Variants in KLHDC10 observed in about 807,000 individuals in gnomAD.
KLHDC10 encodes kelch domain-containing protein 10.
A neutral mutation model predicts 56.1 loss-of-function variants in KLHDC10; 24 were observed. The ratio of observed to expected loss-of-function variants is 0.43; its 90% CI spans 0.31 to 0.60. KLHDC10 has a LOEUF of 0.60. Ranked by LOEUF, KLHDC10 falls within the 20% of genes least tolerant of loss-of-function variation. KLHDC10 has a pLI of 0.11. For synonymous variants in KLHDC10, 188 were observed against 207.1 expected (o/e 0.91, Z 0.79); for missense variants, 349 against 567.0 (o/e 0.62, Z 3.91).
intron 2 of KLHDC10, among the ~76,000 whole-genome samples, chr7:130,100,813 A>C (rs1333761524): frequency 6.6e-6 from 1 of 152,146 alleles, no homozygotes; most frequent in African/African-American, 2.4e-5. Context: ...TAGGTCCTAC[A>C]TCTTCTCTAA....
chr7:130,123,551 TA>T (rs1361237293), intron 5 of KLHDC10, among the ~76,000 whole-genome samples: 1 of 152,002 alleles, frequency 6.6e-6, no homozygotes, highest in Non-Finnish European at 1.5e-5. Flanking sequence ...GCAAAGACAG[TA>T]AACCATTTTT....
In KLHDC10 at chr7:130,129,459, T is replaced by C. The variant is rs754601867; in HGVS notation, c.1002T>C (p.Tyr334=). 1.3e-5 allele frequency: 21 copies of C among 1,614,060 alleles called. No homozygotes were observed. Among genetic ancestry groups the C allele is most frequent in the Admixed American group, 5.0e-5 (3 of 59,996 alleles). ...TAGATGTATTTATTTGTGGGGGCTA[T>C]AATGGAGAGGTGATCCTGGGAGATA... ...IKNDVFICGG[Y]NGEVILGDIW... Residue 334 remains tyrosine (Y), a synonymous_variant, in exon 9 of 10, where the codon TAT becomes TAC. Transcript: ENST00000335420.
intron 1 of KLHDC10, among the ~76,000 whole-genome samples, chr7:130,081,108 C>T (rs529455893): frequency 4.0e-5 from 6 of 149,878 alleles, no homozygotes; most frequent in Non-Finnish European, 8.9e-5. Flanking sequence ...ACGCCATTCT[C>T]CTGCCTCAGC....
At chr7:130,089,700 G>C (rs539841478) in intron 1 of KLHDC10, among the ~76,000 whole-genome samples, 1 of 152,148 alleles carries the variant, frequency 6.6e-6, no homozygotes, top group African/African-American at 2.4e-5. Flanking sequence ...TAGACACTTT[G>C]CCTGGAGCTC....
chr7:130,125,705 C>A (rs948177938), intron 6 of KLHDC10, among the ~76,000 whole-genome samples, 160 bp from the exon 7 acceptor site: 1 of 152,152 alleles, frequency 6.6e-6, no homozygotes, highest in African/African-American at 2.4e-5. Flanking sequence ...TGTTAAAAGT[C>A]CAGTTTTCTG....
chr7:130,128,919 T>TATATACACAC (rs1292651924), intron 8 of KLHDC10, among the ~76,000 whole-genome samples: 3 of 115,714 alleles, frequency 2.6e-5, no homozygotes, highest in African/African-American at 7.0e-5. Flanking sequence ...TATATATATA[T>TATATACACAC]ACATACTAGC....
In KLHDC10 at chr7:130,122,092, A is replaced by T. The variant is rs1796254999; in HGVS notation, c.669A>T (p.Gly223=). ...TCAATGGCTCCCTTTATGTCTTTGG[A>T]GGTACAACCGGCTATATTTACAGCA... ...AIINGSLYVF[G]GTTGYIYSTD... The change falls in exon 5 of 10, where the codon GGA becomes GGT. Residue 223 remains glycine, a synonymous_variant. Coordinates refer to ENST00000335420, the MANE Select transcript of KLHDC10 (RefSeq NM_014997.4). The T allele has an allele frequency of 2.5e-6, 4 of 1,613,884 alleles. No homozygotes were observed. Among genetic ancestry groups the T allele is most frequent in the Non-Finnish European group, 3.4e-6 (4 of 1,179,910 alleles).
chr7:130,085,965 C>T (rs1388971230), intron 1 of KLHDC10, among the ~76,000 whole-genome samples: 2 of 151,922 alleles, frequency 1.3e-5, no homozygotes, highest in African/African-American at 4.8e-5. Context: ...TAGGGACTGA[C>T]CTATTAACTA....
At chr7:130,106,147 AAAAT>A (rs10624813) in intron 2 of KLHDC10, among the ~76,000 whole-genome samples, 2 of 151,920 alleles carry the variant, frequency 1.3e-5, no homozygotes, top group African/African-American at 4.8e-5. Context: ...ACTCCGTCTC[AAAAT>A]AAATAAATAA....
At chr7:130,090,767 C>CGTGTGTGTGTGTGT (rs57061414) in intron 1 of KLHDC10, among the ~76,000 whole-genome samples, 103 of 148,252 alleles carry the variant, frequency 6.9e-4, no homozygotes, top group Non-Finnish European at 1.2e-3. Context: ...TACACATACT[C>CGTGTGTGTGTGTGT]GTGTGTGTGT....
At chr7:130,084,840 G>A (rs1389561590) in intron 1 of KLHDC10, among the ~76,000 whole-genome samples, 1 of 151,932 alleles carries the variant, frequency 6.6e-6, no homozygotes, top group African/African-American at 2.4e-5. Flanking sequence ...CTCATCAAAT[G>A]TGATGGAACA....
At chr7:130,126,382 A>G (rs187237122) in intron 7 of KLHDC10, among the ~76,000 whole-genome samples, 2 of 152,076 alleles carry the variant, frequency 1.3e-5, no homozygotes, top group East Asian at 1.9e-4. Context: ...CCCAATTATA[A>G]TTTTTCCTTA....
intron 1 of KLHDC10, among the ~76,000 whole-genome samples, chr7:130,078,722 G>GT (rs1433855855): frequency 1.3e-5 from 2 of 152,176 alleles, no homozygotes. Context: ...GTTTCACCGT[G>GT]TTAGCCAGGA....
chr7:130,128,889 A>AATATATATATAT (rs1554468213), intron 8 of KLHDC10, among the ~76,000 whole-genome samples: 57 of 66,862 alleles, frequency 8.5e-4, no homozygotes, highest in Middle Eastern at 8.3e-3. Flanking sequence ...AAAAAAAAAA[A>AATATATATATAT]ATATATATAT....
intron 2 of KLHDC10, among the ~76,000 whole-genome samples, chr7:130,110,831 C>T (rs551788495): frequency 6.6e-6 from 1 of 152,274 alleles, no homozygotes; most frequent in South Asian, 2.1e-4. Flanking sequence ...ATTAGCACAT[C>T]TGTAGGTGGC....
chr7:130,106,828 G>T (rs891239313), intron 2 of KLHDC10, among the ~76,000 whole-genome samples: 1 of 152,030 alleles, frequency 6.6e-6, no homozygotes, highest in Non-Finnish European at 1.5e-5. Flanking sequence ...AAAATTAGCC[G>T]GGCGTGGTGG....
chr7:130,094,482 G>A (rs1417622093), intron 1 of KLHDC10, among the ~76,000 whole-genome samples: 1 of 151,556 alleles, frequency 6.6e-6, no homozygotes, highest in East Asian at 1.9e-4. Context: ...CAGAGAGCTT[G>A]GAAAATAAAG....
At chr7:130,119,119 G>A (rs1796211096) in intron 3 of KLHDC10, among the ~76,000 whole-genome samples, 1 of 151,754 alleles carries the variant, frequency 6.6e-6, no homozygotes, top group South Asian at 2.1e-4. Context: ...TGAGGTGGGA[G>A]GATCACTTAA....
At chr7:130,103,714 G>A (rs1795969921) in intron 2 of KLHDC10, among the ~76,000 whole-genome samples, 1 of 152,134 alleles carries the variant, frequency 6.6e-6, no homozygotes, top group Non-Finnish European at 1.5e-5. Flanking sequence ...TAATGTTTAA[G>A]TGGGGGGGTC....
Sources: gnomAD v4.1 joint callset for allele counts (sites outside exome capture counted in the v4.1 genomes callset) on GRCh38, gnomAD v4.1.1 for gene constraint, MANE v1.5 for transcripts, NCBI Gene and HGNC (gene_info 2026-07-23, HGNC 2026-07-21) for gene names.